Variants in NKD1 observed in about 807,000 individuals in gnomAD.
NKD1 encodes protein naked cuticle homolog 1.
NKD1 carries 21 observed loss-of-function variants against 56.0 expected under a neutral mutation model. The observed-to-expected ratio is 0.38, with a 90% CI of 0.27 to 0.54. The LOEUF (loss-of-function observed/expected upper bound fraction) is 0.54, where lower values mean the gene tolerates loss of function less well. Among genes scored for constraint, NKD1 ranks in the 20% least tolerant of loss-of-function variants. NKD1 has a pLI of 0.82. For synonymous variants in NKD1, 263 were observed against 265.7 expected (o/e 0.99, Z 0.10); for missense variants, 578 against 642.7 (o/e 0.90, Z 1.09).
chr16:50,634,268 G>A lies in NKD1; in HGVS notation c.*487G>A, dbSNP rs1005337712. The stretch of plus-strand genomic sequence containing the variant: ...TTAACTGATTGTTATATGCTACAAG[G>A]GATTTCAGTGGACTGCAGAGTGCGA... On this transcript the variant is annotated 3_prime_UTR_variant, in exon 10 of 10. Transcript: ENST00000268459. The A allele has an allele frequency of 1.3e-5, 2 of 153,122 alleles. No individual in the cohort carries two copies. Among genetic ancestry groups the A allele is most frequent in the Non-Finnish European group, 2.9e-5 (2 of 68,320 alleles). The allele number at this position is 153,122 out of a possible 1,614,324, so 9.5% of individuals were successfully genotyped here.
chr16:50,631,450 CA>C (rs1962343518), intron 8 of NKD1, among the ~76,000 whole-genome samples: 1 of 152,132 alleles, frequency 6.6e-6, no homozygotes, highest in Admixed American at 6.5e-5. Flanking sequence ...ACAACAGTAA[CA>C]CGGCAGGCAT....
chr16:50,621,034 C>T (rs1004207406), intron 4 of NKD1, among the ~76,000 whole-genome samples: 3 of 152,198 alleles, frequency 2.0e-5, no homozygotes, highest in Non-Finnish European at 4.4e-5. Flanking sequence ...TCTGCATGTG[C>T]GTGTGTATGT....
At chr16:50,607,173 AAG>A (rs1961730760) in intron 3 of NKD1, 3 of 360,104 alleles carry the variant, frequency 8.3e-6, no homozygotes, top group Admixed American at 3.7e-5. Context: ...TGAAAGAAGA[AAG>A]AGAACAGCCA....
intron 3 of NKD1, among the ~76,000 whole-genome samples, chr16:50,602,942 A>G (rs528044610): frequency 3.3e-5 from 5 of 152,292 alleles, no homozygotes; most frequent in Admixed American, 2.6e-4. Context: ...CTGGATTCGA[A>G]TGTGCCTCCT....
chr16:50,585,127 C>T (rs796866658), intron 3 of NKD1, among the ~76,000 whole-genome samples: 4 of 152,320 alleles, frequency 2.6e-5, no homozygotes, highest in African/African-American at 9.6e-5. Context: ...ATGGGATTTC[C>T]TTCCAGTCCC....
At position 50,641,380 on chromosome 16, in the gene NKD1, C is replaced by T. The variant is rs534953739; in HGVS notation, c.*7599C>T. Reference sequence around the variant, plus strand: ...CTCTAAGCCTCCAGAAGTCAATCCTCTGCTCACCGGGACCGTACCTAGCCT... The same window carrying T: ...CTCTAAGCCTCCAGAAGTCAATCCTTTGCTCACCGGGACCGTACCTAGCCT... On this transcript the variant is annotated 3_prime_UTR_variant, in exon 10 of 10. Transcript: ENST00000268459. 1 of 152,426 alleles carries T rather than the reference C, an allele frequency of 6.6e-6. No homozygotes were observed. The allele number at this position is 152,426 out of a possible 1,614,324, so 9.4% of individuals were successfully genotyped here. A position where few individuals can be genotyped will look rare whatever the true frequency, so the allele number is the denominator to read the frequency against.
intron 3 of NKD1, among the ~76,000 whole-genome samples, chr16:50,593,505 C>G (rs1245215048): frequency 5.3e-5 from 8 of 152,170 alleles, no homozygotes; most frequent in Non-Finnish European, 7.3e-5. Flanking sequence ...CCAAAGTCAA[C>G]AGAGAGAAAG....
intron 3 of NKD1, among the ~76,000 whole-genome samples, chr16:50,550,887 T>C (rs1960369118): frequency 6.6e-6 from 1 of 152,150 alleles, no homozygotes; most frequent in Admixed American, 6.5e-5. Flanking sequence ...AGTTTTGGGT[T>C]TTTTCAGCCT....
intron 3 of NKD1, among the ~76,000 whole-genome samples, chr16:50,569,855 T>G (rs1960842939): frequency 6.6e-6 from 1 of 152,126 alleles, no homozygotes. Flanking sequence ...AGTGATGGGG[T>G]TCCTTGGATG....
intron 6 of NKD1, among the ~76,000 whole-genome samples, chr16:50,625,842 G>GT (rs1346539144): frequency 4.3e-5 from 4 of 93,302 alleles, no homozygotes; most frequent in East Asian, 2.9e-4. Flanking sequence ...GAAAGAAGTT[G>GT]GGGGGGGCAG....
chr16:50,616,043 G>A (rs546675273), intron 4 of NKD1: 13 of 455,232 alleles, frequency 2.9e-5, no homozygotes, highest in African/African-American at 1.2e-4. Context: ...GCATTCCCTC[G>A]AACAGCTGCT....
intron 3 of NKD1, among the ~76,000 whole-genome samples, chr16:50,552,696 C>G (rs1156341773): frequency 6.6e-6 from 1 of 152,244 alleles, no homozygotes; most frequent in Non-Finnish European, 1.5e-5. Context: ...ATAATATTTT[C>G]ATCCCTGGCG....
chr16:50,611,871 G>C (rs9926348), intron 4 of NKD1, among the ~76,000 whole-genome samples: 13,295 of 152,154 alleles, frequency 0.087, 1,417 homozygotes, highest in African/African-American at 0.26. Context: ...GATGTAGGTC[G>C]CAAGGGTGGC....
intron 3 of NKD1, among the ~76,000 whole-genome samples, chr16:50,566,635 G>T (rs947741191): frequency 1.3e-5 from 2 of 152,238 alleles, no homozygotes; most frequent in African/African-American, 4.8e-5. Context: ...GCTGTGGATG[G>T]CCTGGTCCCT....
chr16:50,574,880 A>G (rs1389864093), intron 3 of NKD1: 3 of 985,330 alleles, frequency 3.0e-6, no homozygotes, highest in African/African-American at 1.7e-5. Context: ...TGAACACCCA[A>G]GTTTGAAACT....
chr16:50,622,321 G>A (rs923244046), intron 5 of NKD1, among the ~76,000 whole-genome samples: 1 of 152,186 alleles, frequency 6.6e-6, no homozygotes, highest in Non-Finnish European at 1.5e-5. Context: ...GGCCTTTGGG[G>A]TGAGAAGGGG....
In NKD1 at chr16:50,625,219, C is replaced by A; in HGVS notation, c.367-266C>A. On this transcript the variant is annotated intron_variant, in intron 5 of 9. Transcript: ENST00000268459. ...CCACAGTGCCTCTTCTCAGAACCCC[C>A]TGTGTTTCCTTTGTCTTTGAAGACC... The A allele has an allele frequency of 5.7e-6, 3 of 526,684 alleles. No homozygotes were observed. The South Asian group carries it at 6.7e-5, about 12-fold the overall frequency. The allele number at this position is 526,684 out of a possible 1,614,324, so 32.6% of individuals were successfully genotyped here.
At chr16:50,573,893 A>C in intron 3 of NKD1, 1 of 985,418 alleles carries the variant, frequency 1.0e-6, no homozygotes, top group South Asian at 4.7e-5. Flanking sequence ...CTGAGCTGGC[A>C]CAAACAACAG....
rs1488689779 is a variant in NKD1, at chr16:50,598,225, G to A, written c.193-10069G>A. ...AGGGCACTGCAGGGCCGCATGGGTG[G>A]ACTCTGTGTGTGTGTGTGTGTGTGT... On this transcript the variant is annotated intron_variant, in intron 3 of 9. Coordinates refer to ENST00000268459, the MANE Select transcript of NKD1 (RefSeq NM_033119.5). The surrounding 1 kb of genome is among the most constrained non-coding windows in gnomAD (Gnocchi z 4.2). Among the ~76,000 whole-genome samples the A allele has an allele frequency of 4.4e-5, 6 of 136,656 alleles. No homozygotes were observed. The highest frequency in any genetic ancestry group is 2.9e-4 in the Admixed American group (4 of 13,974). The allele number at this position is 136,656 out of a possible 152,430, so 89.7% of individuals were successfully genotyped here.
Sources: allele counts gnomAD v4.1 joint callset (sites outside exome capture counted in the v4.1 genomes callset), GRCh38; gene constraint gnomAD v4.1.1; non-coding constraint Gnocchi (gnomAD v3.1); transcripts MANE v1.5; gene names NCBI Gene and HGNC (gene_info 2026-07-23, HGNC 2026-07-21).